The following MAP3K5 variants were observed in gnomAD, a reference collection of about 807,000 sequenced individuals.
The protein encoded by MAP3K5 is mitogen-activated protein kinase kinase kinase 5.
Under a neutral mutation model 158.7 loss-of-function variants are expected in MAP3K5, and 56 were observed. The observed-to-expected ratio is 0.35, with a 90% CI of 0.28 to 0.44. The LOEUF is 0.44. MAP3K5 is among the 20% of genes least tolerant of loss of function. The pLI is 1.00. For missense variants in MAP3K5, 1,294 were observed against 1,674.8 expected, an observed-to-expected ratio of 0.77 and a Z score of 3.97; for synonymous variants, 579 against 601.7, an observed-to-expected ratio of 0.96 and a Z score of 0.55.
chr6:136,669,830 A>G (rs990852745), intron 7 of MAP3K5, among the ~76,000 whole-genome samples: 2 of 152,130 alleles, frequency 1.3e-5, no homozygotes, highest in African/African-American at 4.8e-5. Context: ...AAGTCAGAAG[A>G]AAACTAGTGT....
intron 2 of MAP3K5, among the ~76,000 whole-genome samples, chr6:136,717,218 A>C (rs2114765059): frequency 6.6e-6 from 1 of 152,330 alleles, no homozygotes; most frequent in Non-Finnish European, 1.5e-5. Context: ...GTGATTTAAA[A>C]CAATGGATAT....
chr6:136,704,184 G>A (rs1780971803), intron 3 of MAP3K5, among the ~76,000 whole-genome samples: 1 of 152,136 alleles, frequency 6.6e-6, no homozygotes, highest in South Asian at 2.1e-4. Flanking sequence ...TCTTCAAGTA[G>A]AAAATAGATA....
intron 11 of MAP3K5, among the ~76,000 whole-genome samples, chr6:136,649,982 T>C (rs2079174878): frequency 6.6e-6 from 1 of 152,194 alleles, no homozygotes; most frequent in Admixed American, 6.5e-5. Flanking sequence ...ACTCCCAAAT[T>C]TACTTCCTGC....
At chr6:136,663,743 G>A (rs1052692000) in intron 8 of MAP3K5, among the ~76,000 whole-genome samples, 4 of 151,422 alleles carry the variant, frequency 2.6e-5, no homozygotes, top group Admixed American at 2.6e-4. Flanking sequence ...CCAAGTAGCT[G>A]GAATTACAGG....
intron 7 of MAP3K5, among the ~76,000 whole-genome samples, chr6:136,679,750 G>A (rs1779853545): frequency 1.3e-5 from 2 of 152,036 alleles, no homozygotes; most frequent in Non-Finnish European, 2.9e-5. Context: ...GAAATATCAT[G>A]ACGCATGTTA....
At chr6:136,576,778 C>A (rs1036247551) in intron 25 of MAP3K5, among the ~76,000 whole-genome samples, 2 of 152,112 alleles carry the variant, frequency 1.3e-5, no homozygotes, top group Non-Finnish European at 2.9e-5. Flanking sequence ...ACATTTCAGT[C>A]AAGGATGGAT....
chr6:136,562,416 G>C, intron 27 of MAP3K5, 87 bp downstream of exon 27: 1 of 590,784 alleles, frequency 1.7e-6, no homozygotes, highest in Non-Finnish European at 2.9e-6. Flanking sequence ...TGCTGACTTA[G>C]CCACAAATAA....
At chr6:136,669,887 GTGT>G (rs1779405747) in intron 7 of MAP3K5, among the ~76,000 whole-genome samples, 12 of 92,066 alleles carry the variant, frequency 1.3e-4, no homozygotes, top group East Asian at 3.7e-4. Context: ...CATTCAGGGT[GTGT>G]GTGTGTGTGT....
chr6:136,610,819 C>T (rs1446665380), intron 18 of MAP3K5, among the ~76,000 whole-genome samples: 1 of 151,830 alleles, frequency 6.6e-6, no homozygotes, highest in African/African-American at 2.4e-5. Flanking sequence ...TCAAAAGATA[C>T]CAACATTGGC....
In MAP3K5 at chr6:136,651,100, G is replaced by A. The variant is rs1386220844; in HGVS notation, c.1681-9C>T. 2.0e-6 allele frequency: 3 copies of A among 1,464,772 alleles called. No homozygotes were observed. Among genetic ancestry groups the A allele is most frequent in the East Asian group, 2.3e-5 (1 of 43,862 alleles). 90.7% of individuals were successfully genotyped at this position (1,464,772 alleles called of 1,614,324 possible). ...GGTTCTAATATTAATACCTTGAAAA[G>A]ATACGGCAAAGAAACTAATATCAGT... is the stretch of plus-strand genomic sequence containing the variant. On this transcript the variant is annotated splice_polypyrimidine_tract_variant and intron_variant, in intron 10 of 29. Transcript: ENST00000359015.
At chr6:136,785,665 C>G (rs780538187) in intron 1 of MAP3K5, among the ~76,000 whole-genome samples, 5 of 152,178 alleles carry the variant, frequency 3.3e-5, no homozygotes, top group African/African-American at 1.2e-4. Flanking sequence ...CTCCTTCACA[C>G]AGCATCCCGG....
chr6:136,642,661 C>T (rs1778039780), intron 11 of MAP3K5, 92 bp from the exon 12 acceptor site: 19 of 846,282 alleles, frequency 2.2e-5, no homozygotes, highest in Non-Finnish European at 3.7e-5. Context: ...AAGTGATATA[C>T]ACAGCCATTT....
intron 24 of MAP3K5, 81 bp from the exon 25 acceptor site, chr6:136,580,487 C>A: frequency 1.3e-6 from 1 of 785,576 alleles, no homozygotes; most frequent in South Asian, 1.8e-5. Context: ...TATGAAGTTC[C>A]ATTTACAAAA....
rs755814833 is a variant in MAP3K5, at chr6:136,567,765, T to C, written c.3627A>G (p.Arg1209=). 1.9e-6 allele frequency: 3 copies of C among 1,613,986 alleles called. No individual in the cohort carries two copies. The highest frequency in any genetic ancestry group is 1.1e-5 in the South Asian group (1 of 91,092). The change falls in exon 26 of 30, where the codon AGA becomes AGG. Residue 1209 remains arginine (R), a synonymous_variant. Transcript: ENST00000359015. ...CAGCATCTTCAATGACAGCCTGAGGTCTTCGGACAGTTTGATTTGAAGGCT... is the reference window on the plus strand; with the variant it reads ...CAGCATCTTCAATGACAGCCTGAGGCCTTCGGACAGTTTGATTTGAAGGCT... ...EEQPSNQTVR[R]PQAVIEDAVA... is the part of the protein sequence containing the mutation.
intron 2 of MAP3K5, among the ~76,000 whole-genome samples, chr6:136,707,679 ACAAT>A (rs1359337347): frequency 1.3e-5 from 2 of 152,266 alleles, no homozygotes; most frequent in Non-Finnish European, 2.9e-5. Flanking sequence ...TTTGAATGCT[ACAAT>A]CAAGTACTCT....
At chr6:136,678,771 G>C (rs1779811392) in intron 7 of MAP3K5, among the ~76,000 whole-genome samples, 3 of 151,320 alleles carry the variant, frequency 2.0e-5, no homozygotes, top group African/African-American at 7.3e-5. Flanking sequence ...TGTCGTCCAG[G>C]CTAGAGTGCA....
intron 14 of MAP3K5, among the ~76,000 whole-genome samples, chr6:136,624,695 G>A (rs1776956011): frequency 6.6e-6 from 1 of 151,978 alleles, no homozygotes; most frequent in Non-Finnish European, 1.5e-5. Context: ...AAATGACCAT[G>A]GGAATTACAC....
chr6:136,765,777 G>A (rs1390225657), intron 1 of MAP3K5, among the ~76,000 whole-genome samples: 10 of 147,204 alleles, frequency 6.8e-5, no homozygotes, highest in African/African-American at 2.0e-4. Flanking sequence ...TGATCTGCCC[G>A]CCTCCACCTC....
intron 1 of MAP3K5, 32 bp downstream of exon 1, chr6:136,791,678 C>A: frequency 6.2e-7 from 1 of 1,609,562 alleles, no homozygotes; most frequent in Non-Finnish European, 8.5e-7. Flanking sequence ...GGGTCCCGAC[C>A]GCGCGGGATG....
Sources: gnomAD v4.1 joint callset for allele counts (sites outside exome capture counted in the v4.1 genomes callset) on GRCh38, gnomAD v4.1.1 for gene constraint, MANE v1.5 for transcripts, NCBI Gene and HGNC (gene_info 2026-07-23, HGNC 2026-07-21) for gene names.